Variants in ZDHHC24 observed in about 807,000 individuals in gnomAD.
ZDHHC24 encodes probable palmitoyltransferase ZDHHC24.
ZDHHC24 carries 17 observed loss-of-function variants against 23.2 expected under a neutral mutation model. The ratio of observed to expected loss-of-function variants is 0.73; its 90% CI spans 0.50 to 1.10. The LOEUF is 1.10. Among genes scored for constraint, ZDHHC24 ranks in the 50% least tolerant of loss-of-function variants. The pLI, the probability that ZDHHC24 is intolerant of heterozygous loss-of-function variation, is 0.00. For missense variants in ZDHHC24, 366 were observed against 393.0 expected (o/e 0.93, Z 0.58); for synonymous variants, 186 against 194.5 (o/e 0.96, Z 0.36).
chr11:66,542,213 G>A (rs1857171494), intron 2 of ZDHHC24, among the ~76,000 whole-genome samples: 1 of 152,044 alleles, frequency 6.6e-6, no homozygotes, highest in African/African-American at 2.4e-5. Context: ...ACAAGCAAAC[G>A]GGAAGGCCAG....
intron 2 of ZDHHC24, among the ~76,000 whole-genome samples, chr11:66,540,427 CAAAA>C (rs1184182591): frequency 1.1e-4 from 6 of 52,572 alleles, no homozygotes; most frequent in African/African-American, 2.3e-4. Flanking sequence ...ACTCCCATCT[CAAAA>C]AAAAAAAAAA....
downstream of ZDHHC24, chr11:66,520,891 G>A (rs978354779): frequency 3.0e-5 from 10 of 333,798 alleles, no homozygotes; most frequent in South Asian, 2.5e-4. Context: ...GCTAAGTTTT[G>A]TACTTTTGGT....
chr11:66,542,629 G>C (rs1451638465), intron 2 of ZDHHC24: 1 of 152,932 alleles, frequency 6.5e-6, no homozygotes, highest in African/African-American at 2.4e-5. Context: ...GGGAAAGGAA[G>C]GAAAAATGAA....
At chr11:66,535,435 G>A (rs572901554), downstream of ZDHHC24, among the ~76,000 whole-genome samples, 2 of 148,420 alleles carry the variant, frequency 1.3e-5, no homozygotes, top group Non-Finnish European at 3.0e-5. Context: ...CAAACGCCAG[G>A]CCTCAAGTGA....
downstream of ZDHHC24, chr11:66,532,275 A>C (rs907513151): frequency 1.6e-5 from 9 of 569,940 alleles, no homozygotes; most frequent in Non-Finnish European, 2.2e-5. Flanking sequence ...CTGAAGTCCT[A>C]CTACGCCCTC....
chr11:66,540,390 G>A (rs933122656), intron 2 of ZDHHC24, among the ~76,000 whole-genome samples: 6 of 136,152 alleles, frequency 4.4e-5, no homozygotes, highest in African/African-American at 1.7e-4. Context: ...TCACGCCACT[G>A]CACTCCAGCA....
At chr11:66,523,626 C>T (rs1254280996) in intron 4 of ZDHHC24, 11 of 1,613,176 alleles carry the variant, frequency 6.8e-6, no homozygotes, top group Non-Finnish European at 9.3e-6. Context: ...TCCCTAGCCC[C>T]CACTTGGCAA....
downstream of ZDHHC24, among the ~76,000 whole-genome samples, chr11:66,535,245 T>C (rs1394886949): frequency 2.6e-5 from 4 of 152,168 alleles, no homozygotes; most frequent in East Asian, 3.9e-4. Context: ...GTCTAGCTCT[T>C]GTCACCCAGG....
intron 4 of ZDHHC24, chr11:66,523,563 G>T (rs1280115378): frequency 6.2e-7 from 1 of 1,614,032 alleles, no homozygotes. Flanking sequence ...AGCCTGCATG[G>T]CTTCACCCAC....
chr11:66,522,723 T>TC, intron 4 of ZDHHC24: 10 of 205,842 alleles, frequency 4.9e-5, no homozygotes, highest in East Asian at 2.6e-4. Context: ...ATTAGGGATA[T>TC]ATTGATGAAC....
downstream of ZDHHC24, chr11:66,530,778 A>T: frequency 1.4e-6 from 2 of 1,437,860 alleles, no homozygotes; most frequent in African/African-American, 1.4e-5. Context: ...GCTGGGAGGC[A>T]GATTGAGTAG....
downstream of ZDHHC24, among the ~76,000 whole-genome samples, chr11:66,534,420 T>C (rs1176777560): frequency 8.6e-6 from 1 of 116,034 alleles, no homozygotes; most frequent in African/African-American, 3.4e-5. Context: ...CACTCTAGCC[T>C]GGGCAAGAGC....
chr11:66,521,879 T>G (rs1590763329), intron 4 of ZDHHC24, among the ~76,000 whole-genome samples: 2 of 111,716 alleles, frequency 1.8e-5, no homozygotes, highest in Admixed American at 1.4e-4. Context: ...CACTCCAGCC[T>G]GGGTAACGGA....
exon 5 of ZDHHC24, chr11:66,521,135 CTG>C (rs1856196608): frequency 2.7e-6 from 2 of 740,584 alleles, no homozygotes; most frequent in Non-Finnish European, 2.4e-6. Context: ...TCCTGAAAAA[CTG>C]TATGAGTTTA....
intron 2 of ZDHHC24, among the ~76,000 whole-genome samples, chr11:66,540,512 G>A (rs902069458): frequency 6.7e-6 from 1 of 150,094 alleles, no homozygotes; most frequent in East Asian, 2.0e-4. Flanking sequence ...GGTGGATCAC[G>A]AGGTCAGGAG....
downstream of ZDHHC24, chr11:66,530,867 G>T (rs767550268): frequency 3.7e-6 from 6 of 1,613,908 alleles, no homozygotes; most frequent in South Asian, 3.3e-5. Flanking sequence ...AGGTCCTAAG[G>T]GCTTTCTCCA....
chr11:66,528,153 T>G (rs1173440666), intron 3 of ZDHHC24, among the ~76,000 whole-genome samples: 1 of 152,096 alleles, frequency 6.6e-6, no homozygotes, highest in Non-Finnish European at 1.5e-5. Context: ...GAGGCAAAGG[T>G]TGCAGTGAAC....
chr11:66,535,397 G>A (rs909522580), downstream of ZDHHC24, among the ~76,000 whole-genome samples: 1 of 148,466 alleles, frequency 6.7e-6, no homozygotes. Context: ...TAAGACACAG[G>A]GTCTCACTAT....
chr11:66,541,509 C>A (rs1857150286), intron 2 of ZDHHC24, among the ~76,000 whole-genome samples: 1 of 151,994 alleles, frequency 6.6e-6, no homozygotes, highest in Non-Finnish European at 1.5e-5. Flanking sequence ...CAGGGAGAAG[C>A]CCAGGCTGGA....
Sources: gnomAD v4.1 joint callset for allele counts (sites outside exome capture counted in the v4.1 genomes callset) on GRCh38, gnomAD v4.1.1 for gene constraint, MANE v1.5 for transcripts, NCBI Gene and HGNC (gene_info 2026-07-23, HGNC 2026-07-21) for gene names.